Variants in ZC3HAV1L observed in about 807,000 individuals in gnomAD.
The protein encoded by ZC3HAV1L is ZC3HAV1 like.
Under a neutral mutation model 28.2 loss-of-function variants are expected in ZC3HAV1L, and 23 were observed. The ratio of observed to expected loss-of-function variants is 0.82; its 90% confidence interval spans 0.59 to 1.16. The LOEUF (loss-of-function observed/expected upper bound fraction) is 1.16, where lower values mean the gene tolerates loss of function less well. ZC3HAV1L is among the 50% of genes most tolerant of loss of function. ZC3HAV1L has a pLI of 0.00. For synonymous variants in ZC3HAV1L, 180 were observed against 163.4 expected (o/e 1.10, Z -0.78); for missense variants, 376 against 387.7 (o/e 0.97, Z 0.25).
At chr7:139,029,598 A>G (rs964784884) in intron 2 of ZC3HAV1L, among the ~76,000 whole-genome samples, 4 of 152,098 alleles carry the variant, frequency 2.6e-5, no homozygotes, top group African/African-American at 9.7e-5. Context: ...TCAAAGCTAG[A>G]CTCAACGTGA....
In ZC3HAV1L at chr7:139,036,006, G is replaced by A. The variant is rs2130642487; in HGVS notation, c.12C>T (p.Pro4=). ...CCTTGGTGAGGAAGGAGCACACTGT[G>A]GGCTCCGCCATGGTCGCTGGCGCGG... MAE[P]TVCSFLTKVL... The change falls in exon 1 of 5, where the codon CCC becomes CCT. Residue 4 remains proline (P), a synonymous_variant. Coordinates refer to ENST00000275766, the MANE Select transcript of ZC3HAV1L (RefSeq NM_080660.4). 2.0e-6 allele frequency: 3 copies of A among 1,512,576 alleles called. No individual in the cohort carries two copies. The African/African-American group carries it at 4.3e-5, about 22-fold the overall frequency. 93.7% of individuals were successfully genotyped at this position (1,512,576 alleles called of 1,614,324 possible). A position where few individuals can be genotyped will look rare whatever the true frequency, so the allele number is the denominator to read the frequency against.
intron 2 of ZC3HAV1L, 28 bp downstream of exon 2, chr7:139,034,515 A>T: frequency 1.2e-6 from 2 of 1,610,412 alleles, no homozygotes; most frequent in Non-Finnish European, 1.7e-6. Context: ...AGCAAATGTG[A>T]CATGAGGGTG....
intron 2 of ZC3HAV1L, among the ~76,000 whole-genome samples, chr7:139,032,549 G>A (rs984716913): frequency 5.1e-4 from 56 of 110,624 alleles, no homozygotes; most frequent in African/African-American, 1.6e-3. Flanking sequence ...GCATGAACCC[G>A]GGAGCAGAGC....
rs149296475 is a variant in ZC3HAV1L at position 139,026,574 on chromosome 7, A to G, written c.887-14T>C. The G allele has an allele frequency of 6.2e-7, 1 of 1,612,216 alleles. No homozygotes were observed. Among genetic ancestry groups the G allele is most frequent in the African/African-American group, 1.3e-5 (1 of 75,040 alleles). ...TCTCGCAAGACACTGTGAGGTAGAT[A>G]TTATTATGACCATTACAAATCTATC... is the stretch of plus-strand genomic sequence containing the variant. On this transcript the variant is annotated splice_polypyrimidine_tract_variant and intron_variant, in intron 4 of 4. Coordinates refer to ENST00000275766, the MANE Select transcript of ZC3HAV1L (RefSeq NM_080660.4).
intron 2 of ZC3HAV1L, among the ~76,000 whole-genome samples, chr7:139,032,403 G>A (rs1815560547): frequency 6.6e-6 from 1 of 151,980 alleles, no homozygotes; most frequent in Admixed American, 6.6e-5. Flanking sequence ...GGGAGGCTGA[G>A]GTGGGCGGAT....
intron 1 of ZC3HAV1L, 59 bp from the exon 2 acceptor site, chr7:139,034,737 T>G (rs1169658737): frequency 1.3e-6 from 2 of 1,592,516 alleles, no homozygotes; most frequent in African/African-American, 2.7e-5. Flanking sequence ...TCTGTCCAAT[T>G]CCTTGCCTTG....
Position 139,026,764 on chromosome 7 carries a change from G to A in ZC3HAV1L, c.830C>T (p.Ala277Val). The A allele has an allele frequency of 1.9e-6, 3 of 1,614,192 alleles. No individual in the cohort carries two copies. Among genetic ancestry groups the A allele is most frequent in the Non-Finnish European group, 2.5e-6 (3 of 1,180,036 alleles). Reference protein sequence around the residue: ...EKQGVHAAGAAEAGPLASVPA... With the variant: ...EKQGVHAAGAVEAGPLASVPA... ...GACAGAAGCCAGAGGACCAGCTTCTGCAGCTCCAGCTGCGTGCACTCCTTG... is the reference window on the plus strand; with the variant it reads ...GACAGAAGCCAGAGGACCAGCTTCTACAGCTCCAGCTGCGTGCACTCCTTG... The change falls in exon 4 of 5, where the codon GCA (alanine) becomes GTA (valine). Residue 277 changes from alanine to valine, a missense_variant. By Grantham distance (64) the Ala-to-Val change is moderately conservative. Coordinates refer to ENST00000275766, the MANE Select transcript of ZC3HAV1L (RefSeq NM_080660.4).
chr7:139,024,145 A>G (rs1815300514), downstream of ZC3HAV1L, among the ~76,000 whole-genome samples: 1 of 152,216 alleles, frequency 6.6e-6, no homozygotes, highest in African/African-American at 2.4e-5. Context: ...AAATTACCAA[A>G]GAAAACTCTT....
At chr7:139,026,943 T>C in intron 3 of ZC3HAV1L, 110 bp from the exon 4 acceptor site, 1 of 1,249,496 alleles carries the variant, frequency 8.0e-7, no homozygotes. Flanking sequence ...ACACATGGAT[T>C]TGGAGAGTTC....
intron 3 of ZC3HAV1L, among the ~76,000 whole-genome samples, chr7:139,028,080 A>G (rs745747918): frequency 1.4e-4 from 22 of 152,116 alleles, no homozygotes; most frequent in Non-Finnish European, 3.1e-4. Context: ...TATGCCATTA[A>G]AACTGTTCTA....
chr7:139,028,765 C>T lies in ZC3HAV1L; in HGVS notation c.697G>A (p.Val233Ile), dbSNP rs745723449. ...QDQGLNIPSV[V>I]NFQIISTYKH... The stretch of plus-strand genomic sequence containing the variant: ...TAGGTGGAGATTATCTGAAAATTAA[C>T]AACACTTGGAATATTCAGTCCTTGG... The change falls in exon 3 of 5, where the codon GTT becomes ATT. Residue 233 changes from valine to isoleucine, a missense_variant. By Grantham distance (29) the Val-to-Ile change is conservative. Coordinates refer to ENST00000275766, the MANE Select transcript of ZC3HAV1L (RefSeq NM_080660.4). 3 of 1,614,136 alleles carry T rather than the reference C, an allele frequency of 1.9e-6. No homozygotes were observed. The South Asian group carries it at 3.3e-5, about 18-fold the overall frequency.
intron 1 of ZC3HAV1L, 172 bp downstream of exon 1, chr7:139,035,481 G>T: frequency 1.0e-6 from 1 of 985,426 alleles, no homozygotes; most frequent in Non-Finnish European, 1.2e-6. Context: ...CCGCCCAGCT[G>T]CTGGAAGCGC....
chr7:139,031,414 G>A (rs1815527779), intron 2 of ZC3HAV1L, among the ~76,000 whole-genome samples: 1 of 152,098 alleles, frequency 6.6e-6, no homozygotes, highest in African/African-American at 2.4e-5. Flanking sequence ...GTGAAACCCT[G>A]TCTCTACTAA....
At chr7:139,033,839 G>T in intron 2 of ZC3HAV1L, 1 of 985,444 alleles carries the variant, frequency 1.0e-6, no homozygotes, top group Non-Finnish European at 1.2e-6. Flanking sequence ...CATAGGTGCA[G>T]CCACCCTCCT....
intron 1 of ZC3HAV1L, chr7:139,034,945 G>C (rs1260738918): frequency 2.0e-6 from 2 of 985,284 alleles, no homozygotes; most frequent in Admixed American, 6.2e-5. Flanking sequence ...CATCTGTTCC[G>C]TAGGCGACTG....
At chr7:139,032,742 C>T (rs1815572004) in intron 2 of ZC3HAV1L, among the ~76,000 whole-genome samples, 1 of 151,256 alleles carries the variant, frequency 6.6e-6, no homozygotes, top group Admixed American at 6.6e-5. Flanking sequence ...CCTTACCACA[C>T]CCAAAAAATA....
At chr7:139,034,127 T>C (rs1355117484) in intron 2 of ZC3HAV1L, 3 of 985,322 alleles carry the variant, frequency 3.0e-6, no homozygotes, top group Non-Finnish European at 3.6e-6. Flanking sequence ...GCTATCTTCC[T>C]TTCTAGACGC....
Position 139,026,350 on chromosome 7 carries a change from C to A in ZC3HAV1L, c.*194G>T. Reference sequence around the variant, plus strand: ...TGGTGGACCACAGAAGTCAGCAGAGCTCCATCTACCCAGCCTGAGGAAAGC... The same window carrying A: ...TGGTGGACCACAGAAGTCAGCAGAGATCCATCTACCCAGCCTGAGGAAAGC... On this transcript the variant is annotated 3_prime_UTR_variant, in exon 5 of 5. Coordinates refer to ENST00000275766, the MANE Select transcript of ZC3HAV1L (RefSeq NM_080660.4). 1 of 713,302 alleles carries A rather than the reference C, an allele frequency of 1.4e-6. No homozygotes were observed. Among genetic ancestry groups the A allele is most frequent in the East Asian group, 2.8e-5 (1 of 35,308 alleles). The allele number at this position is 713,302 out of a possible 1,614,324, so 44.2% of individuals were successfully genotyped here.
chr7:139,033,522 G>T (rs765689143), intron 2 of ZC3HAV1L, among the ~76,000 whole-genome samples: 1 of 152,116 alleles, frequency 6.6e-6, no homozygotes, highest in Admixed American at 6.5e-5. Context: ...ACATGATCAC[G>T]TTTTGTGCCA....
Sources: gnomAD v4.1 joint callset for allele counts (sites outside exome capture counted in the v4.1 genomes callset) on GRCh38, gnomAD v4.1.1 for gene constraint, MANE v1.5 for transcripts, NCBI Gene and HGNC (gene_info 2026-07-23, HGNC 2026-07-21) for gene names.